Variants in PPM1L observed in about 807,000 individuals in gnomAD.
PPM1L encodes protein phosphatase, Mg2+/Mn2+ dependent 1L, also known as protein phosphatase 1L.
In PPM1L, 13 loss-of-function variants were observed where a neutral mutation model predicts 31.4. That is an observed-to-expected ratio of 0.41 (90% CI 0.27 to 0.66). The LOEUF (loss-of-function observed/expected upper bound fraction) is 0.66, where lower values mean the gene tolerates loss of function less well. Ranked by LOEUF, PPM1L falls within the 30% of genes least tolerant of loss-of-function variation. The probability of loss-of-function intolerance (pLI) is 0.29; values close to 1 mark genes in which losing one functional copy is unlikely to be tolerated. For synonymous variants in PPM1L, 184 were observed against 175.4 expected, an observed-to-expected ratio of 1.05 and a Z score of -0.39; for missense variants, 326 against 453.7, an observed-to-expected ratio of 0.72 and a Z score of 2.56.
At chr3:160,922,420 G>A (rs1051304560) in intron 1 of PPM1L, among the ~76,000 whole-genome samples, 1 of 152,136 alleles carries the variant, frequency 6.6e-6, no homozygotes, top group African/African-American at 2.4e-5. Flanking sequence ...CAGGCATTGA[G>A]TCTTATATGT....
chr3:160,788,409 G>C (rs149546210), intron 1 of PPM1L, among the ~76,000 whole-genome samples: 54 of 151,850 alleles, frequency 3.6e-4, no homozygotes, highest in Middle Eastern at 3.4e-3. Flanking sequence ...GTGAACTTCT[G>C]GTTCATGTCT....
intron 2 of PPM1L, among the ~76,000 whole-genome samples, chr3:161,010,896 T>A (rs963874600): frequency 5.3e-5 from 8 of 152,084 alleles, no homozygotes; most frequent in African/African-American, 9.7e-5. Context: ...ATTTGAGTTC[T>A]TTGTAGATTC....
intron 2 of PPM1L, among the ~76,000 whole-genome samples, chr3:161,052,477 T>C (rs1336103200): frequency 1.3e-5 from 2 of 152,210 alleles, no homozygotes; most frequent in Non-Finnish European, 2.9e-5. Context: ...GACCTTTATC[T>C]TGAGAATATT....
rs1719156120 is a variant in PPM1L, at chr3:161,048,530, CA to C, written c.575-16871del. Among the ~76,000 whole-genome samples, 3 of 152,222 alleles carry C rather than the reference CA, an allele frequency of 2.0e-5. No homozygotes were observed. In the South Asian group the frequency reaches 6.2e-4, roughly 32 times the overall value. ...TGTGGAAGACAGTGTGGCGATTCCT[CA>C]AGGATCTAGAACTAGAAATACCATT... On this transcript the variant is annotated intron_variant, in intron 2 of 3. Transcript: ENST00000498165.
intron 2 of PPM1L, among the ~76,000 whole-genome samples, chr3:161,042,866 A>G (rs1247401551): frequency 6.6e-6 from 1 of 151,852 alleles, no homozygotes; most frequent in Non-Finnish European, 1.5e-5. Context: ...TAAAAATACA[A>G]AAAATTAGCT....
At position 160,756,281 on chromosome 3, in the gene PPM1L, G is replaced by C. The variant is rs1714800858; in HGVS notation, c.-28G>C. 1 of 1,580,062 alleles carries C rather than the reference G, an allele frequency of 6.3e-7. No individual in the cohort carries two copies. Among genetic ancestry groups the C allele is most frequent in the Non-Finnish European group, 8.6e-7 (1 of 1,159,750 alleles). On this transcript the variant is annotated 5_prime_UTR_variant, in exon 1 of 4. Coordinates refer to ENST00000498165, the MANE Select transcript of PPM1L (RefSeq NM_139245.4). This position sits in a 1 kb window ranked among gnomAD's most constrained non-coding sequence, Gnocchi z 6.2. Reference sequence around the variant, plus strand: ...CGAGCCTTCGGGGCGCGCGTCGCTGGTGGTGGTTGAGGCTCTAGCGATAAT... The same window carrying C: ...CGAGCCTTCGGGGCGCGCGTCGCTGCTGGTGGTTGAGGCTCTAGCGATAAT...
chr3:161,041,473 G>T lies in PPM1L; in HGVS notation c.575-23930G>T, dbSNP rs1349529317. ...TTACAGAGTTTGACTCTTTTTTATT[G>T]ATGATGTTTTCTTTCTAAACACATT... On this transcript the variant is annotated intron_variant, in intron 2 of 3. Coordinates refer to ENST00000498165, the MANE Select transcript of PPM1L (RefSeq NM_139245.4). Among the ~76,000 whole-genome samples the T allele has an allele frequency of 2.6e-5, 4 of 152,106 alleles. No individual in the cohort carries two copies. The East Asian group carries it at 7.7e-4, about 29-fold the overall frequency.
chr3:160,851,695 C>A (rs1161421204), intron 1 of PPM1L, among the ~76,000 whole-genome samples: 1 of 151,834 alleles, frequency 6.6e-6, no homozygotes, highest in African/African-American at 2.4e-5. Flanking sequence ...TTGAGTAAAG[C>A]ACTTAGTAGG....
chr3:160,865,478 T>C (rs1182261175), intron 1 of PPM1L, among the ~76,000 whole-genome samples: 1 of 151,602 alleles, frequency 6.6e-6, no homozygotes, highest in Non-Finnish European at 1.5e-5. Context: ...TTGTTCTGCT[T>C]AAAAAAAAAT....
At chr3:161,023,335 C>T (rs1389174228) in intron 2 of PPM1L, among the ~76,000 whole-genome samples, 1 of 152,004 alleles carries the variant, frequency 6.6e-6, no homozygotes, top group Non-Finnish European at 1.5e-5. Flanking sequence ...CTTTCTCTGT[C>T]TCATCTCCTT....
chr3:161,019,364 A>T (rs963299159), intron 2 of PPM1L, among the ~76,000 whole-genome samples: 4 of 151,558 alleles, frequency 2.6e-5, no homozygotes, highest in Non-Finnish European at 5.9e-5. Context: ...TGGCTGATTT[A>T]AAAAATTTTT....
chr3:161,014,967 C>G (rs1023947647), intron 2 of PPM1L, among the ~76,000 whole-genome samples: 1 of 152,016 alleles, frequency 6.6e-6, no homozygotes, highest in South Asian at 2.1e-4. Context: ...GCAACCACTT[C>G]CATTTATTGG....
In PPM1L at chr3:160,932,839, C is replaced by T. The variant is rs1362803648; in HGVS notation, c.400-28897C>T. On this transcript the variant is annotated intron_variant, in intron 1 of 3. Transcript: ENST00000498165. ...TTCAGCCTCATCATTCACTGCTAAA[C>T]GACCTGGGGAATTTAATCTTTTTGT... Among the ~76,000 whole-genome samples the T allele has an allele frequency of 4.6e-5, 7 of 152,112 alleles. 1 individual carries two copies. The highest frequency in any genetic ancestry group is 1.2e-4 in the African/African-American group (5 of 41,440).
intron 1 of PPM1L, among the ~76,000 whole-genome samples, chr3:160,857,878 A>T (rs116560736): frequency 6.6e-6 from 1 of 152,146 alleles, no homozygotes; most frequent in East Asian, 1.9e-4. Context: ...AGATATATGC[A>T]TATCCATATT....
chr3:160,838,589 C>G (rs1183270135), intron 1 of PPM1L, among the ~76,000 whole-genome samples: 2 of 152,148 alleles, frequency 1.3e-5, no homozygotes, highest in Non-Finnish European at 2.9e-5. Flanking sequence ...AGAAAAACAA[C>G]TATGTAGACT....
At chr3:160,881,056 CT>C (rs1218372273) in intron 1 of PPM1L, among the ~76,000 whole-genome samples, 2 of 152,178 alleles carry the variant, frequency 1.3e-5, no homozygotes, top group African/African-American at 4.8e-5. Context: ...CAGAGAACAG[CT>C]TGTGACTTTT....
chr3:161,063,850 T>C (rs182338785), intron 2 of PPM1L, among the ~76,000 whole-genome samples: 2 of 152,266 alleles, frequency 1.3e-5, no homozygotes, highest in East Asian at 3.9e-4. Flanking sequence ...TAAAAAAGGA[T>C]GAATTCATGT....
chr3:161,059,532 A>C (rs576086328), intron 2 of PPM1L, among the ~76,000 whole-genome samples: 3 of 152,286 alleles, frequency 2.0e-5, no homozygotes, highest in Admixed American at 6.5e-5. Flanking sequence ...TCAGGACATT[A>C]TGTGTGAACG....
Position 160,990,898 on chromosome 3 carries a change from A to C in PPM1L, c.574+28988A>C, listed in dbSNP as rs143627615. On this transcript the variant is annotated intron_variant, in intron 2 of 3. Transcript: ENST00000498165. ...CCCTTTCCCTTGCTGAATAAGTCCC[A>C]GTCATACCCACAGTTATTTTGACAA... Among the ~76,000 whole-genome samples the C allele has an allele frequency of 6.3e-4, 96 of 152,290 alleles. 2 individuals carry two copies. The highest frequency in any genetic ancestry group is 4.4e-3 in the Admixed American group (67 of 15,294).
Sources: gnomAD v4.1 joint callset for allele counts (sites outside exome capture counted in the v4.1 genomes callset) on GRCh38, gnomAD v4.1.1 for gene constraint, Gnocchi (gnomAD v3.1) non-coding constraint, MANE v1.5 for transcripts, NCBI Gene and HGNC (gene_info 2026-07-23, HGNC 2026-07-21) for gene names.